Variants in IPO9 observed in about 807,000 individuals in gnomAD.
IPO9 encodes importin-9.
In IPO9, 28 loss-of-function variants were observed where a neutral mutation model predicts 128.6. The ratio of observed to expected loss-of-function variants is 0.22; its 90% CI spans 0.16 to 0.30. The LOEUF is 0.30. IPO9 is among the 10% of genes least tolerant of loss of function. The pLI is 1.00. For missense variants in IPO9, 935 were observed against 1,293.9 expected (o/e 0.72, Z 4.26); for synonymous variants, 455 against 475.8 (o/e 0.96, Z 0.57).
At chr1:201,858,751 GA>G (rs1386239485) in intron 12 of IPO9, 103 bp from the exon 13 acceptor site, 29 of 1,218,072 alleles carry the variant, frequency 2.4e-5, no homozygotes, top group Non-Finnish European at 3.2e-5. Flanking sequence ...GACTCTTTTG[GA>G]AGAGATTGTG....
Position 201,875,161 on chromosome 1 carries a change from A to G in IPO9, c.2948A>G (p.Tyr983Cys). The G allele has an allele frequency of 5.0e-6, 8 of 1,614,154 alleles. No individual in the cohort carries two copies. The highest frequency in any genetic ancestry group is 6.8e-6 in the Non-Finnish European group (8 of 1,179,958). Residue 983 changes from tyrosine (Y) to cysteine (C), a missense_variant, in exon 23 of 24, where the codon TAC becomes TGC. By Grantham distance (194) the Tyr-to-Cys change is radical (BLOSUM62 -2). This residue lies in a region of IPO9 where 188 missense variants were observed against 246.7 expected (regional missense o/e 0.76). Coordinates refer to ENST00000361565, the MANE Select transcript of IPO9 (RefSeq NM_018085.5). Reference protein sequence around the residue: ...ILATSKYEEDYYEDDEEDDPD... With the variant: ...ILATSKYEEDCYEDDEEDDPD... Reference sequence around the variant, plus strand: ...TGGCTATGTCTAACAGAGGAGGATTACTACGAGGATGATGAGGAAGATGAC... The same window carrying G: ...TGGCTATGTCTAACAGAGGAGGATTGCTACGAGGATGATGAGGAAGATGAC...
rs751126682 is a variant in IPO9, at chr1:201,871,179, G to A, written c.2428G>A (p.Ala810Thr). Residue 810 changes from alanine to threonine, a missense_variant, in exon 19 of 24, where the codon GCT becomes ACT. Transcript: ENST00000361565. ...CTCCTAGTCCCTGATCATGGTGTTCGCTCATCTGGTGCACACTCAGCTAGA... is the reference window on the plus strand; with the variant it reads ...CTCCTAGTCCCTGATCATGGTGTTCACTCATCTGGTGCACACTCAGCTAGA... ...SVMQSLIMVF[A>T]HLVHTQLEPL... 2.5e-6 allele frequency: 4 copies of A among 1,612,914 alleles called. No individual in the cohort carries two copies. Among genetic ancestry groups the A allele is most frequent in the Non-Finnish European group, 1.7e-6 (2 of 1,179,668 alleles).
rs376438123 is a variant in IPO9 at position 201,847,260 on chromosome 1, A to G, written c.164-19A>G. On this transcript the variant is annotated intron_variant, in intron 1 of 23. Coordinates refer to ENST00000361565, the MANE Select transcript of IPO9 (RefSeq NM_018085.5). ...GCTTTCCTAGGTACTCTTAGACTCA[A>G]TAAAATTTTCTCTTTCAGAATTTGG... 5.0e-6 allele frequency: 8 copies of G among 1,605,766 alleles called. No homozygotes were observed. The African/African-American group carries it at 6.7e-5, about 13-fold the overall frequency.
Position 201,874,442 on chromosome 1 carries a change from A to G in IPO9, c.2833+70A>G, listed in dbSNP as rs193079599. On this transcript the variant is annotated intron_variant, in intron 21 of 23. Transcript: ENST00000361565. ...CAAGTTACAAATTGTCAAATTATCAACTTGGTTTGTTGAGTCACTAATTGA... is the reference window on the plus strand; with the variant it reads ...CAAGTTACAAATTGTCAAATTATCAGCTTGGTTTGTTGAGTCACTAATTGA... 258 of 1,550,996 alleles carry G rather than the reference A, an allele frequency of 1.7e-4. 1 individual carries two copies. In the East Asian group the frequency reaches 4.7e-3, roughly 28 times the overall value.
chr1:201,854,084 G>T (rs1193547394), intron 6 of IPO9, among the ~76,000 whole-genome samples: 2 of 152,090 alleles, frequency 1.3e-5, no homozygotes, highest in African/African-American at 4.8e-5. Flanking sequence ...TGTTGCCCAG[G>T]CTCATCTTGA....
At position 201,872,949 on chromosome 1, in the gene IPO9, A is replaced by C. The variant is rs747961698; in HGVS notation, c.2698A>C (p.Lys900Gln). The change falls in exon 20 of 24, where the codon AAG becomes CAG. Residue 900 changes from lysine to glutamine, a missense_variant. Coordinates refer to ENST00000361565, the MANE Select transcript of IPO9 (RefSeq NM_018085.5). Reference protein sequence around the residue: ...SMDEGIRTRSKSAKNPERWTN... With the variant: ...SMDEGIRTRSQSAKNPERWTN... ...GGATGAGGGCATCCGCACCCGCTCT[A>C]AGTCAGCCAAAAGTGGGTGCTGCTG... The C allele has an allele frequency of 7.4e-6, 12 of 1,612,374 alleles. No homozygotes were observed. In the African/African-American group the frequency reaches 1.5e-4, roughly 20 times the overall value.
In IPO9 at chr1:201,871,206, C is replaced by T. The variant is rs756558685; in HGVS notation, c.2455C>T (p.Pro819Ser). ...TCATCTGGTGCACACTCAGCTAGAACCTCTCTTGGAGTTCCTGTGTAGCCT... is the reference window on the plus strand; with the variant it reads ...TCATCTGGTGCACACTCAGCTAGAATCTCTCTTGGAGTTCCTGTGTAGCCT... ...FAHLVHTQLE[P>S]LLEFLCSLPG... Residue 819 changes from proline to serine, a missense_variant, in exon 19 of 24, where the codon CCT becomes TCT. This residue lies in a region of IPO9 where 741 missense variants were observed against 1,019.1 expected (regional missense o/e 0.73). Coordinates refer to ENST00000361565, the MANE Select transcript of IPO9 (RefSeq NM_018085.5). 1 of 1,613,988 alleles carries T rather than the reference C, an allele frequency of 6.2e-7. No homozygotes were observed. Among genetic ancestry groups the T allele is most frequent in the Non-Finnish European group, 8.5e-7 (1 of 1,179,990 alleles).
intron 14 of IPO9, among the ~76,000 whole-genome samples, chr1:201,865,438 C>G (rs1680535059): frequency 6.6e-6 from 1 of 152,016 alleles, no homozygotes; most frequent in African/African-American, 2.4e-5. Flanking sequence ...AAACTCCTGA[C>G]CTCGGGTGAT....
At chr1:201,874,770 G>A (rs1480452255) in intron 21 of IPO9, 62 bp from the exon 22 acceptor site, 20 of 1,169,630 alleles carry the variant, frequency 1.7e-5, no homozygotes, top group Admixed American at 3.4e-5. Context: ...GGCCTATTTG[G>A]ATTTGGGGAG....
Position 201,876,312 on chromosome 1 carries a change from C to T in IPO9, c.*258C>T, listed in dbSNP as rs770793782. 56 of 588,884 alleles carry T rather than the reference C, an allele frequency of 9.5e-5. No individual in the cohort carries two copies. Among genetic ancestry groups the T allele is most frequent in the Non-Finnish European group, 1.5e-4 (47 of 318,512 alleles). 36.5% of individuals were successfully genotyped at this position (588,884 alleles called of 1,614,324 possible). A position where few individuals can be genotyped will look rare whatever the true frequency, so the allele number is the denominator to read the frequency against. On this transcript the variant is annotated 3_prime_UTR_variant, in exon 24 of 24. Coordinates refer to ENST00000361565, the MANE Select transcript of IPO9 (RefSeq NM_018085.5). ...AGAACCTTTTTTCTCCCCGACTCTA[C>T]CCCCACCTCTGTTCCTAGAGCCCTC...
chr1:201,851,010 T>TTTTATTTA (rs745557334), intron 4 of IPO9, among the ~76,000 whole-genome samples: 2 of 151,830 alleles, frequency 1.3e-5, no homozygotes, highest in African/African-American at 4.8e-5. Context: ...TTATTTTTAG[T>TTTTATTTA]TTTATTTATT....
At chr1:201,863,225 G>A (rs1191597930) in intron 13 of IPO9, 7 of 270,474 alleles carry the variant, frequency 2.6e-5, no homozygotes, top group Admixed American at 4.7e-5. Flanking sequence ...GGTGGCAGGC[G>A]CCTGTGATCC....
chr1:201,851,686 A>G (rs1270499665), intron 4 of IPO9, among the ~76,000 whole-genome samples: 1 of 152,214 alleles, frequency 6.6e-6, no homozygotes, highest in East Asian at 1.9e-4. Context: ...TATTACATGC[A>G]TCAAACCAGC....
chr1:201,856,082 C>A, intron 10 of IPO9, 148 bp downstream of exon 10: 97 of 520,554 alleles, frequency 1.9e-4, no homozygotes, highest in East Asian at 3.0e-4. Flanking sequence ...GGTTTGACAT[C>A]ATTTTATTGC....
At chr1:201,848,712 C>T (rs1266667191) in intron 4 of IPO9, 118 bp downstream of exon 4, 16 of 951,998 alleles carry the variant, frequency 1.7e-5, no homozygotes, top group Non-Finnish European at 2.3e-5. Context: ...TGTTATTCCT[C>T]CCTCCTAGTT....
intron 1 of IPO9, among the ~76,000 whole-genome samples, chr1:201,845,031 G>A (rs200864077): frequency 1.1e-4 from 16 of 151,262 alleles, no homozygotes; most frequent in Non-Finnish European, 2.2e-4. Flanking sequence ...TGGGAGGGGG[G>A]GGCGTACAGA....
intron 10 of IPO9, among the ~76,000 whole-genome samples, chr1:201,856,811 C>A (rs149344020): frequency 4.1e-4 from 63 of 152,222 alleles, no homozygotes; most frequent in African/African-American, 1.4e-3. Context: ...CTCAGCCTCC[C>A]GAGTAGCTGA....
At chr1:201,844,961 ATATAT>A (rs770630253) in intron 1 of IPO9, among the ~76,000 whole-genome samples, 13 of 150,506 alleles carry the variant, frequency 8.6e-5, no homozygotes, top group South Asian at 2.1e-4. Context: ...AGCATTTTAC[ATATAT>A]TATATTATTC....
At chr1:201,835,886 C>T (rs149173115) in intron 1 of IPO9, among the ~76,000 whole-genome samples, 31 of 152,096 alleles carry the variant, frequency 2.0e-4, no homozygotes, top group East Asian at 9.7e-4. Context: ...CCGAGGAGGG[C>T]GGATCACAAG....
Sources: gnomAD v4.1 joint callset for allele counts (sites outside exome capture counted in the v4.1 genomes callset) on GRCh38, gnomAD v4.1.1 for gene constraint, gnomAD v4.1.1 regional missense constraint, MANE v1.5 for transcripts, NCBI Gene and HGNC (gene_info 2026-07-23, HGNC 2026-07-21) for gene names.